The following PRDM10 variants were observed in gnomAD, a reference collection of about 807,000 sequenced individuals.
PRDM10 encodes PR/SET domain 10.
A neutral mutation model predicts 133.1 loss-of-function variants in PRDM10; 65 were observed. The ratio of observed to expected loss-of-function variants is 0.49; its 90% CI spans 0.40 to 0.60. PRDM10 has a LOEUF of 0.60. Among genes scored for constraint, PRDM10 ranks in the 20% least tolerant of loss-of-function variants. The probability of loss-of-function intolerance (pLI) is 0.00; values close to 1 mark genes in which losing one functional copy is unlikely to be tolerated. For missense variants in PRDM10, 1,137 were observed against 1,507.1 expected (o/e 0.75, Z 4.07); for synonymous variants, 582 against 580.4 (o/e 1.00, Z -0.04).
In PRDM10 at chr11:129,906,988, AG is replaced by A. The variant is rs1448619294; in HGVS notation, c.3164-1248del. ...GCGAGACTCCATTTCAAAAAGAAAA[AG>A]AAAAAAAAAAAAAGAATATCACGAC... is the stretch of plus-strand genomic sequence containing the variant. On this transcript the variant is annotated intron_variant, in intron 19 of 20. Coordinates refer to ENST00000360871, the MANE Select transcript of PRDM10 (RefSeq NM_199437.2). Among the ~76,000 whole-genome samples, 487 of 111,330 alleles carry A rather than the reference AG, an allele frequency of 4.4e-3. 4 individuals are homozygous for A. Among genetic ancestry groups the A allele is most frequent in the African/African-American group, 0.019 (460 of 24,498 alleles). 73.0% of individuals were successfully genotyped at this position (111,330 alleles called of 152,430 possible).
At chr11:129,953,317 C>T (rs930037768) in intron 4 of PRDM10, among the ~76,000 whole-genome samples, 1 of 151,774 alleles carries the variant, frequency 6.6e-6, no homozygotes, top group Non-Finnish European at 1.5e-5. Context: ...TGTTTTTACA[C>T]GGAGTCTTGC....
chr11:129,900,086 T>C lies in PRDM10; in HGVS notation c.*2227A>G, dbSNP rs1949803647. The C allele has an allele frequency of 6.6e-6, 1 of 152,624 alleles. No homozygotes were observed. Among genetic ancestry groups the C allele is most frequent in the Admixed American group, 6.5e-5 (1 of 15,288 alleles). The allele number at this position is 152,624 out of a possible 1,614,324, so 9.5% of individuals were successfully genotyped here. On this transcript the variant is annotated 3_prime_UTR_variant, in exon 21 of 21. Transcript: ENST00000360871. Reference sequence around the variant, plus strand: ...TCCAAAATACTCACACTGGACTGAATGAAGTCTACAGTGTCAATGTGTCTT... The same window carrying C: ...TCCAAAATACTCACACTGGACTGAACGAAGTCTACAGTGTCAATGTGTCTT...
At chr11:129,944,517 G>C (rs909811051) in intron 6 of PRDM10, among the ~76,000 whole-genome samples, 1 of 151,644 alleles carries the variant, frequency 6.6e-6, no homozygotes, top group Non-Finnish European at 1.5e-5. Flanking sequence ...CCCGGAAGGC[G>C]GAGCTTGCAG....
In PRDM10 at chr11:129,902,534, G is replaced by A. The variant is rs1156735209; in HGVS notation, c.3268-18C>T. ...TAATGACCCTAGAGGAAGAAGAAAA[G>A]GATCCTTAAAAACTTGGGGCCTTAA... On this transcript the variant is annotated intron_variant, in intron 20 of 20. Coordinates refer to ENST00000360871, the MANE Select transcript of PRDM10 (RefSeq NM_199437.2). The A allele has an allele frequency of 6.2e-7, 1 of 1,609,548 alleles. No homozygotes were observed. Among genetic ancestry groups the A allele is most frequent in the Non-Finnish European group, 8.5e-7 (1 of 1,177,514 alleles).
chr11:129,947,022 T>C lies in PRDM10; in HGVS notation c.520+123A>G, dbSNP rs780256064. On this transcript the variant is annotated intron_variant, in intron 5 of 20. Coordinates refer to ENST00000360871, the MANE Select transcript of PRDM10 (RefSeq NM_199437.2). This position sits in a 1 kb window ranked among gnomAD's most constrained non-coding sequence, Gnocchi z 4.6. The stretch of plus-strand genomic sequence containing the variant: ...GGTGGGATGAAGCAAGCAGAGAATG[T>C]AGCACAGTTGGCTGCACACGGAAGG... 3.2e-5 allele frequency: 43 copies of C among 1,331,396 alleles called. No homozygotes were observed. The highest frequency in any genetic ancestry group is 4.2e-5 in the Non-Finnish European group (41 of 966,476). The allele number at this position is 1,331,396 out of a possible 1,614,324, so 82.5% of individuals were successfully genotyped here.
chr11:129,963,818 T>A (rs529038117), intron 1 of PRDM10, among the ~76,000 whole-genome samples: 2 of 152,228 alleles, frequency 1.3e-5, no homozygotes, highest in East Asian at 3.9e-4. Context: ...CTTATTCAAG[T>A]TTTGTCAACT....
rs572866591 is a variant in PRDM10, at chr11:129,977,815, G to C, written c.-118-16733C>G. ...ACAAAAAATGCAAAAAACTAGGCAG[G>C]CATGGTGGTGTGCACCTGTTGTCCC... On this transcript the variant is annotated intron_variant, in intron 1 of 20. Transcript: ENST00000360871. 6.6e-5 allele frequency among the ~76,000 whole-genome samples: 10 copies of C among 152,204 alleles called. No individual in the cohort carries two copies. The South Asian group carries it at 1.7e-3, about 25-fold the overall frequency.
At chr11:129,911,106 A>G (rs1043387543) in intron 18 of PRDM10, among the ~76,000 whole-genome samples, 1 of 152,226 alleles carries the variant, frequency 6.6e-6, no homozygotes, top group African/African-American at 2.4e-5. Context: ...GTAATATTTT[A>G]AATAAGAATA....
At position 129,924,984 on chromosome 11, in the gene PRDM10, G is replaced by A; in HGVS notation, c.1776C>T (p.Ser592=). The change falls in exon 12 of 21, where the codon TCC becomes TCT. Residue 592 remains serine, a synonymous_variant. Transcript: ENST00000360871. The stretch of plus-strand genomic sequence containing the variant: ...CTTTCAACAAATCAAGGCGGTCAAA[G>A]GATTCTGGGCAAAAAATGCAAGAGT... ...KTYSCIFCPE[S]FDRLDLLKDH... 5 of 1,614,180 alleles carry A rather than the reference G, an allele frequency of 3.1e-6. No individual in the cohort carries two copies. The highest frequency in any genetic ancestry group is 4.2e-6 in the Non-Finnish European group (5 of 1,180,030).
intron 1 of PRDM10, among the ~76,000 whole-genome samples, chr11:129,987,776 A>C (rs770142169): frequency 6.6e-6 from 1 of 152,176 alleles, no homozygotes; most frequent in Non-Finnish European, 1.5e-5. Context: ...CGAGGCAGGC[A>C]GATCACGAGG....
intron 8 of PRDM10, 59 bp from the exon 9 acceptor site, chr11:129,935,277 A>C: frequency 7.9e-7 from 1 of 1,272,060 alleles, no homozygotes; most frequent in Non-Finnish European, 1.1e-6. Flanking sequence ...AGTAAAACTC[A>C]AAAGTCTGCG....
chr11:129,942,324 C>CT, intron 7 of PRDM10, 102 bp downstream of exon 7: 2 of 1,252,260 alleles, frequency 1.6e-6, no homozygotes, highest in Admixed American at 2.4e-5. Flanking sequence ...CCCCCTCCCC[C>CT]TTTTTTGTTA....
At chr11:129,985,797 AAAAAAAAAAAAAATATATAT>A (rs1327334483) in intron 1 of PRDM10, among the ~76,000 whole-genome samples, 10 of 120,504 alleles carry the variant, frequency 8.3e-5, no homozygotes, top group African/African-American at 2.9e-4. Context: ...AAAAAAAAAA[AAAAAAAAAAAAAATATATAT>A]ATATATATAT....
chr11:129,979,550 G>A (rs1368255906), intron 1 of PRDM10, among the ~76,000 whole-genome samples: 1 of 152,150 alleles, frequency 6.6e-6, no homozygotes. Context: ...CCTCTCCTTG[G>A]TGGATCTTCT....
intron 1 of PRDM10, among the ~76,000 whole-genome samples, chr11:129,987,058 GT>G (rs1199150761): frequency 6.6e-6 from 1 of 152,084 alleles, no homozygotes. Flanking sequence ...GTCTGCTATT[GT>G]GCAGTCAAAA....
chr11:129,972,600 A>T (rs905282521), intron 1 of PRDM10, among the ~76,000 whole-genome samples: 5 of 152,190 alleles, frequency 3.3e-5, no homozygotes, highest in Non-Finnish European at 5.9e-5. Context: ...AAGCAAAAGG[A>T]AACACCAGAA....
chr11:129,988,032 T>C (rs1938524663), intron 1 of PRDM10, among the ~76,000 whole-genome samples: 1 of 152,078 alleles, frequency 6.6e-6, no homozygotes, highest in Admixed American at 6.6e-5. Context: ...AACTGGTACA[T>C]GCTACATACA....
chr11:129,910,574 G>T lies in PRDM10; in HGVS notation c.3065C>A (p.Thr1022Lys). 1 of 1,614,068 alleles carries T rather than the reference G, an allele frequency of 6.2e-7. No individual in the cohort carries two copies. Residue 1022 changes from threonine (T) to lysine (K), a missense_variant, in exon 19 of 21, where the codon ACA becomes AAA. Physicochemically the swap from Thr to Lys is moderately conservative, Grantham distance 78. Around this residue, in one of 6 missense-constraint regions of PRDM10, gnomAD observed 243 missense variants for 259.2 expected, o/e 0.94. Coordinates refer to ENST00000360871, the MANE Select transcript of PRDM10 (RefSeq NM_199437.2). ...CTGCTGCTGCAGAGCCTGCCCCTGT[G>T]TGGAAGAACTGCCCTGGATGTGGGA... ...SPSHIQGSSSTQGQALQQQQQ... is the reference protein window; with the variant it reads ...SPSHIQGSSSKQGQALQQQQQ...
intron 19 of PRDM10, among the ~76,000 whole-genome samples, chr11:129,906,519 T>C (rs548300226): frequency 6.6e-6 from 1 of 152,186 alleles, no homozygotes; most frequent in African/African-American, 2.4e-5. Context: ...TTGGATAGCA[T>C]AAGAAATCAA....
Sources: gnomAD v4.1 joint callset for allele counts (sites outside exome capture counted in the v4.1 genomes callset) on GRCh38, gnomAD v4.1.1 for gene constraint, gnomAD v4.1.1 regional missense constraint, Gnocchi (gnomAD v3.1) non-coding constraint, MANE v1.5 for transcripts, NCBI Gene and HGNC (gene_info 2026-07-23, HGNC 2026-07-21) for gene names.